COL4A2: variants seen among roughly 807,000 people sequenced by gnomAD.
COL4A2 encodes collagen type IV alpha 2 chain, also known as collagen alpha-2(IV) chain.
Under a neutral mutation model 200.2 loss-of-function variants are expected in COL4A2, and 99 were observed. That is an observed-to-expected ratio of 0.49 (90% confidence interval 0.42 to 0.58). The LOEUF is 0.58. COL4A2 is among the 20% of genes least tolerant of loss of function. The pLI, the probability that COL4A2 is intolerant of heterozygous loss-of-function variation, is 0.00. For missense variants in COL4A2, 1,950 were observed against 2,314.1 expected (o/e 0.84, Z 3.23); for synonymous variants, 897 against 900.6 (o/e 1.00, Z 0.07).
intron 41 of COL4A2, 131 bp from the exon 42 acceptor site, chr13:110,502,990 C>A: frequency 1.2e-6 from 1 of 843,840 alleles, no homozygotes. Context: ...TTTTTAAAAA[C>A]ATAGACAAAG....
intron 3 of COL4A2, among the ~76,000 whole-genome samples, chr13:110,353,910 A>G (rs1471003914): frequency 6.6e-6 from 1 of 152,234 alleles, no homozygotes; most frequent in African/African-American, 2.4e-5. Context: ...CGGTACATGT[A>G]GAAAAGTGTT....
At chr13:110,485,926 G>T in intron 34 of COL4A2, 90 bp downstream of exon 34, 1 of 1,552,638 alleles carries the variant, frequency 6.4e-7, no homozygotes, top group South Asian at 1.2e-5. Context: ...ATTTGCTAGG[G>T]TGAGAGTGTC....
intron 3 of COL4A2, among the ~76,000 whole-genome samples, chr13:110,345,004 G>T (rs551395131): frequency 2.6e-5 from 4 of 152,110 alleles, no homozygotes; most frequent in African/African-American, 7.2e-5. Context: ...GTGGTTTGCT[G>T]TGTGGTTTTG....
intron 3 of COL4A2, among the ~76,000 whole-genome samples, chr13:110,340,015 T>A (rs1462774848): frequency 3.3e-5 from 5 of 152,258 alleles, no homozygotes; most frequent in African/African-American, 1.2e-4. Context: ...GCTTGAATCC[T>A]TGAGGGTGGG....
intron 34 of COL4A2, 30 bp from the exon 35 acceptor site, chr13:110,489,415 C>T: frequency 6.2e-7 from 1 of 1,609,738 alleles, no homozygotes; most frequent in Non-Finnish European, 8.5e-7. Flanking sequence ...TCGCTAACAG[C>T]CTTCTAAGAT....
intron 4 of COL4A2, among the ~76,000 whole-genome samples, chr13:110,383,954 A>T (rs1484837562): frequency 6.6e-6 from 1 of 152,196 alleles, no homozygotes; most frequent in Admixed American, 6.5e-5. Flanking sequence ...ACACTGATGC[A>T]CTTGGCCACT....
At chr13:110,337,844 G>A (rs1876271425) in intron 3 of COL4A2, among the ~76,000 whole-genome samples, 1 of 152,214 alleles carries the variant, frequency 6.6e-6, no homozygotes, top group South Asian at 2.1e-4. Flanking sequence ...AATAGAGAGA[G>A]CATTGATACT....
Position 110,473,128 on chromosome 13 carries a change from C to G in COL4A2, c.2403C>G (p.Asp801Glu). Residue 801 changes from aspartate (D) to glutamate (E), a missense_variant, in exon 29 of 48, where the codon GAC (aspartate) becomes GAG (glutamate). Physicochemically the swap from Asp to Glu is conservative, Grantham distance 45. This residue lies in a region of COL4A2 where 1,385 missense variants were observed against 1,720.5 expected (regional missense o/e 0.80). Transcript: ENST00000360467. Reference sequence around the variant, plus strand: ...CTGGGCTTAAAGGCCTTCCCGGAGACAGAGGCCCCCCTGGATTCAGAGGTG... The same window carrying G: ...CTGGGCTTAAAGGCCTTCCCGGAGAGAGAGGCCCCCCTGGATTCAGAGGTG... Reference protein sequence around the residue: ...GQPGLKGLPGDRGPPGFRGSQ... With the variant: ...GQPGLKGLPGERGPPGFRGSQ... 1 of 1,559,100 alleles carries G rather than the reference C, an allele frequency of 6.4e-7. No individual in the cohort carries two copies. Among genetic ancestry groups the G allele is most frequent in the Non-Finnish European group, 8.7e-7 (1 of 1,151,786 alleles).
chr13:110,416,085 C>A (rs1880031055), intron 4 of COL4A2, among the ~76,000 whole-genome samples: 1 of 152,234 alleles, frequency 6.6e-6, no homozygotes, highest in African/African-American at 2.4e-5. Flanking sequence ...TCAGTAGTTG[C>A]CGCCTATGCT....
In COL4A2 at chr13:110,443,520, T is replaced by C. The variant is rs550283585; in HGVS notation, c.958-2309T>C. On this transcript the variant is annotated intron_variant, in intron 16 of 47. Coordinates refer to ENST00000360467, the MANE Select transcript of COL4A2 (RefSeq NM_001846.4). ...ACCTTGTACTTCTAAAATTGCATAA[T>C]CAGAACTTCCTATGAATCATATATA... Among the ~76,000 whole-genome samples the C allele has an allele frequency of 8.5e-5, 13 of 152,330 alleles. No homozygotes were observed. The South Asian group carries it at 2.7e-3, about 32-fold the overall frequency.
chr13:110,400,733 T>C (rs901675038), intron 4 of COL4A2, among the ~76,000 whole-genome samples: 5 of 152,192 alleles, frequency 3.3e-5, no homozygotes, highest in African/African-American at 1.2e-4. Context: ...ATTCAGAAGA[T>C]AAAGCATTTA....
At chr13:110,453,501 C>G (rs1222244478) in intron 20 of COL4A2, among the ~76,000 whole-genome samples, 2 of 151,540 alleles carry the variant, frequency 1.3e-5, no homozygotes, top group African/African-American at 2.4e-5. Context: ...AACTCCATCT[C>G]AATTTAAAAA....
At chr13:110,389,691 G>A (rs973636409) in intron 4 of COL4A2, among the ~76,000 whole-genome samples, 21 of 152,330 alleles carry the variant, frequency 1.4e-4, no homozygotes, top group African/African-American at 5.0e-4. Flanking sequence ...GATTCTCCAG[G>A]ACTGCGGCTC....
intron 34 of COL4A2, among the ~76,000 whole-genome samples, chr13:110,487,394 A>T (rs2139531304): frequency 6.6e-6 from 1 of 152,362 alleles, no homozygotes; most frequent in African/African-American, 2.4e-5. Context: ...CGGAGGTTGC[A>T]GTGAGCCGAG....
In COL4A2 at chr13:110,435,883, C is replaced by T. The variant is rs139639053; in HGVS notation, c.727-386C>T. On this transcript the variant is annotated intron_variant, in intron 12 of 47. Coordinates refer to ENST00000360467, the MANE Select transcript of COL4A2 (RefSeq NM_001846.4). ...GTAGTCTTTCATTTCTTCAGCATTT[C>T]GTTTATCTCGGTGCCCATCTTGGCA... 2.4e-3 allele frequency among the ~76,000 whole-genome samples: 359 copies of T among 151,904 alleles called. 3 individuals carry two copies. The highest frequency in any genetic ancestry group is 8.2e-3 in the African/African-American group (338 of 41,404).
At chr13:110,361,414 T>C (rs1877508088) in intron 4 of COL4A2, among the ~76,000 whole-genome samples, 1 of 152,128 alleles carries the variant, frequency 6.6e-6, no homozygotes, top group African/African-American at 2.4e-5. Context: ...GGCTCCCGTC[T>C]CTCTTCCCTG....
intron 4 of COL4A2, among the ~76,000 whole-genome samples, chr13:110,369,211 G>GTAAATAAATAAATAAATAAATAAA (rs71127935): frequency 1.0e-4 from 15 of 150,446 alleles, no homozygotes; most frequent in African/African-American, 3.7e-4. Context: ...CTCTGTCTCA[G>GTAAATAAATAAATAAATAAATAAA]TAAATAAATA....
chr13:110,430,171 C>A, intron 8 of COL4A2: 1 of 678,570 alleles, frequency 1.5e-6, no homozygotes, highest in Non-Finnish European at 2.2e-6. Flanking sequence ...ATTCACAATA[C>A]TCCAAGCCAA....
rs543483150 is a variant in COL4A2, at chr13:110,395,699, C to T, written c.181-29035C>T. On this transcript the variant is annotated intron_variant, in intron 4 of 47. Coordinates refer to ENST00000360467, the MANE Select transcript of COL4A2 (RefSeq NM_001846.4). Reference sequence around the variant, plus strand: ...GTGGCTCATGCCTGTAATCCCAACACTTTAGGAGGCCGAGGAGGGCGGGTA... The same window carrying T: ...GTGGCTCATGCCTGTAATCCCAACATTTTAGGAGGCCGAGGAGGGCGGGTA... 3.9e-5 allele frequency among the ~76,000 whole-genome samples: 6 copies of T among 152,304 alleles called. No individual in the cohort carries two copies. The East Asian group carries it at 7.7e-4, about 20-fold the overall frequency.
Sources: gnomAD v4.1 joint callset for allele counts (sites outside exome capture counted in the v4.1 genomes callset) on GRCh38, gnomAD v4.1.1 for gene constraint, gnomAD v4.1.1 regional missense constraint, MANE v1.5 for transcripts, NCBI Gene and HGNC (gene_info 2026-07-23, HGNC 2026-07-21) for gene names.